CDC42BPB: variants seen among roughly 807,000 people sequenced by gnomAD.
CDC42BPB encodes the protein serine/threonine-protein kinase MRCK beta.
Under a neutral mutation model 214.9 loss-of-function variants are expected in CDC42BPB, and 37 were observed. The observed-to-expected ratio is 0.17, with a 90% CI of 0.13 to 0.23. CDC42BPB has a LOEUF of 0.23. Among genes scored for constraint, CDC42BPB ranks in the 10% least tolerant of loss-of-function variants. The probability of loss-of-function intolerance (pLI) is 1.00; values close to 1 mark genes in which losing one functional copy is unlikely to be tolerated. For missense variants in CDC42BPB, 1,694 were observed against 2,227.0 expected, an observed-to-expected ratio of 0.76 and a Z score of 4.82; for synonymous variants, 931 against 884.0, an observed-to-expected ratio of 1.05 and a Z score of -0.94.
At position 102,954,670 on chromosome 14, in the gene CDC42BPB, G is replaced by C; in HGVS notation, c.2920C>G (p.Gln974Glu). The C allele has an allele frequency of 1.2e-6, 2 of 1,613,750 alleles. No homozygotes were observed. The highest frequency in any genetic ancestry group is 1.7e-6 in the Non-Finnish European group (2 of 1,179,798). ...TCTGGCTTCGGAGCTTGTGTTTCTTGCTCACTAGCTGAGCTGGTCTGTGAG... is the reference window on the plus strand; with the variant it reads ...TCTGGCTTCGGAGCTTGTGTTTCTTCCTCACTAGCTGAGCTGGTCTGTGAG... Reference protein sequence around the residue: ...LTFRTSSASEQETQAPKPEAS... With the variant: ...LTFRTSSASEEETQAPKPEAS... The change falls in exon 22 of 37, where the codon CAA becomes GAA. Residue 974 changes from glutamine (Q) to glutamate (E), a missense_variant. Gln to Glu is a conservative substitution (Grantham distance 29). Coordinates refer to ENST00000361246, the MANE Select transcript of CDC42BPB (RefSeq NM_006035.4).
Position 102,940,279 on chromosome 14 carries a change from T to A in CDC42BPB, c.4454A>T (p.Asp1485Val). ...CTCCATGGTGCGCACATCAAAGACG[T>A]CCACGCCATACTCGCTGTACACCGT... ...HVTVYSEYGV[D>V]VFDVRTMEWV... Residue 1485 changes from aspartate to valine, a missense_variant, in exon 31 of 37, where the codon GAC becomes GTC. This residue lies in a region of CDC42BPB where 567 missense variants were observed against 790.3 expected (regional missense o/e 0.72). Coordinates refer to ENST00000361246, the MANE Select transcript of CDC42BPB (RefSeq NM_006035.4). 1 of 1,593,362 alleles carries A rather than the reference T, an allele frequency of 6.3e-7. No individual in the cohort carries two copies. Among genetic ancestry groups the A allele is most frequent in the Non-Finnish European group, 8.5e-7 (1 of 1,169,930 alleles).
At chr14:103,040,964 AT>A (rs1224188386) in intron 1 of CDC42BPB, among the ~76,000 whole-genome samples, 2 of 152,228 alleles carry the variant, frequency 1.3e-5, no homozygotes, top group African/African-American at 4.8e-5. Context: ...CTTAGAAAGA[AT>A]TGTCAAAACA....
chr14:102,951,866 T>C (rs1188354868), intron 24 of CDC42BPB, among the ~76,000 whole-genome samples: 1 of 152,218 alleles, frequency 6.6e-6, no homozygotes, highest in Non-Finnish European at 1.5e-5. Flanking sequence ...TATCTTTAGA[T>C]AATTTGACAG....
chr14:103,048,262 G>A (rs1184724379), intron 1 of CDC42BPB, among the ~76,000 whole-genome samples: 1 of 151,918 alleles, frequency 6.6e-6, no homozygotes, highest in Non-Finnish European at 1.5e-5. Context: ...AAGAAAATTC[G>A]GCCGGGAGCG....
Position 102,959,428 on chromosome 14 carries a change from TA to T in CDC42BPB, c.2901+202del, listed in dbSNP as rs540700157. ...AAAGCTTCTCTGGGAGCACCTCAAATACCCTAAATGTCTGTCACCTGATGCG... is the reference window on the plus strand; with the variant it reads ...AAAGCTTCTCTGGGAGCACCTCAAATCCCTAAATGTCTGTCACCTGATGCG... On this transcript the variant is annotated intron_variant, in intron 21 of 36. Coordinates refer to ENST00000361246, the MANE Select transcript of CDC42BPB (RefSeq NM_006035.4). 9.3e-4 allele frequency among the ~76,000 whole-genome samples: 141 copies of T among 152,202 alleles called. 1 individual carries two copies. Among genetic ancestry groups the T allele is most frequent in the Non-Finnish European group, 1.5e-4 (10 of 67,992 alleles).
chr14:103,033,199 T>G (rs1887487974), intron 1 of CDC42BPB, among the ~76,000 whole-genome samples: 2 of 152,026 alleles, frequency 1.3e-5, no homozygotes, highest in Non-Finnish European at 2.9e-5. Context: ...TTCTATATGC[T>G]CTACCTCTTT....
chr14:102,998,007 C>CTT (rs1894819382), intron 5 of CDC42BPB, among the ~76,000 whole-genome samples: 3 of 152,024 alleles, frequency 2.0e-5, no homozygotes, highest in Admixed American at 2.0e-4. Context: ...ATTAGCTGGG[C>CTT]GTAATGGCTA....
At chr14:103,030,283 GA>G (rs1157750196) in intron 1 of CDC42BPB, among the ~76,000 whole-genome samples, 1 of 152,248 alleles carries the variant, frequency 6.6e-6, no homozygotes, top group Non-Finnish European at 1.5e-5. Flanking sequence ...AAACATTTAA[GA>G]ATGTTTAGAA....
chr14:102,953,535 G>A (rs1455882299), intron 23 of CDC42BPB, among the ~76,000 whole-genome samples: 3 of 152,238 alleles, frequency 2.0e-5, no homozygotes, highest in Non-Finnish European at 2.9e-5. Flanking sequence ...GGCAGAGGCC[G>A]TGTCTACATT....
chr14:102,981,346 C>A (rs929243274), intron 7 of CDC42BPB, among the ~76,000 whole-genome samples: 2 of 152,200 alleles, frequency 1.3e-5, no homozygotes, highest in East Asian at 3.8e-4. Context: ...GCACAGTGCA[C>A]GCGTCACGGC....
At chr14:103,024,871 G>T (rs941550836) in intron 1 of CDC42BPB, among the ~76,000 whole-genome samples, 1 of 152,138 alleles carries the variant, frequency 6.6e-6, no homozygotes, top group Non-Finnish European at 1.5e-5. Flanking sequence ...GAGCCACTGG[G>T]TCCAGTCTAA....
At chr14:102,999,534 G>T in intron 5 of CDC42BPB, 31 bp downstream of exon 5, 1 of 1,608,658 alleles carries the variant, frequency 6.2e-7, no homozygotes, top group Non-Finnish European at 8.5e-7. Flanking sequence ...ATTAAACGTG[G>T]TTTCCATAAA....
chr14:102,988,353 T>TA (rs57459341), intron 5 of CDC42BPB, among the ~76,000 whole-genome samples: 1,525 of 124,172 alleles, frequency 0.012, 21 homozygotes, highest in East Asian at 0.032. Flanking sequence ...TTCCAGAAAT[T>TA]AAAAAAAAAA....
At position 102,943,873 on chromosome 14, in the gene CDC42BPB, C is replaced by T; in HGVS notation, c.4408+18G>A. 1.3e-6 allele frequency: 2 copies of T among 1,576,872 alleles called. No individual in the cohort carries two copies. The highest frequency in any genetic ancestry group is 1.7e-6 in the Non-Finnish European group (2 of 1,163,006). ...GAAAAGCAGCAACAGGGATATGCAACAGAAAACATATACATACTACAGGCG... is the reference window on the plus strand; with the variant it reads ...GAAAAGCAGCAACAGGGATATGCAATAGAAAACATATACATACTACAGGCG... On this transcript the variant is annotated intron_variant, in intron 30 of 36. Coordinates refer to ENST00000361246, the MANE Select transcript of CDC42BPB (RefSeq NM_006035.4). This position sits in a 1 kb window ranked among gnomAD's most constrained non-coding sequence, Gnocchi z 4.6.
Position 102,968,547 on chromosome 14 carries a change from G to A in CDC42BPB, c.2165C>T (p.Ser722Leu). 1.9e-6 allele frequency: 3 copies of A among 1,614,146 alleles called. No homozygotes were observed. The highest frequency in any genetic ancestry group is 1.7e-6 in the Non-Finnish European group (2 of 1,180,036). The change falls in exon 15 of 37, where the codon TCA becomes TTA. Residue 722 changes from serine (S) to leucine (L), a missense_variant. Around this residue, in one of 7 missense-constraint regions of CDC42BPB, gnomAD observed 462 missense variants for 513.5 expected, o/e 0.90. Coordinates refer to ENST00000361246, the MANE Select transcript of CDC42BPB (RefSeq NM_006035.4). ...CTGCAGGGCCAGCTGGTGGCTTTCT[G>A]AATCATGCACCTCCTTCTTCACATT... ...VKNVKKEVHD[S>L]ESHQLALQKE...
At chr14:103,009,354 G>A (rs1055926053) in intron 2 of CDC42BPB, among the ~76,000 whole-genome samples, 4 of 152,154 alleles carry the variant, frequency 2.6e-5, no homozygotes, top group Non-Finnish European at 4.4e-5. Flanking sequence ...GTTGAGCCGC[G>A]CATCCGCACC....
chr14:102,974,895 G>A lies in CDC42BPB; in HGVS notation c.1508-746C>T, dbSNP rs3783388. ...CAGGAGGCGGAGCTTGCAGTGAGCC[G>A]AGATCATGCCACTGCACTCCAGCCT... On this transcript the variant is annotated intron_variant, in intron 11 of 36. Transcript: ENST00000361246. Among the ~76,000 whole-genome samples, 78 of 152,276 alleles carry A rather than the reference G, an allele frequency of 5.1e-4. No homozygotes were observed. In the East Asian group the frequency reaches 0.012, roughly 23 times the overall value.
At chr14:102,963,902 G>A (rs1221778589) in intron 19 of CDC42BPB, among the ~76,000 whole-genome samples, 1 of 152,156 alleles carries the variant, frequency 6.6e-6, no homozygotes, top group Non-Finnish European at 1.5e-5. Flanking sequence ...CCAGGTCCTC[G>A]CCTGCCTCAT....
At chr14:102,962,042 C>T (rs765748899) in intron 20 of CDC42BPB, among the ~76,000 whole-genome samples, 61 of 152,170 alleles carry the variant, frequency 4.0e-4, no homozygotes, top group Non-Finnish European at 7.1e-4. Flanking sequence ...ATACAAAAGT[C>T]CCTCAAACAT....
Sources: allele counts gnomAD v4.1 joint callset (sites outside exome capture counted in the v4.1 genomes callset), GRCh38; gene constraint gnomAD v4.1.1; regional missense constraint gnomAD v4.1.1; non-coding constraint Gnocchi (gnomAD v3.1); transcripts MANE v1.5; gene names NCBI Gene and HGNC (gene_info 2026-07-23, HGNC 2026-07-21).